Variants in DOCK2 observed in about 807,000 individuals in gnomAD.
DOCK2 encodes dedicator of cytokinesis 2, also known as dedicator of cytokinesis protein 2.
DOCK2 carries 87 observed loss-of-function variants against 248.9 expected under a neutral mutation model. The observed-to-expected ratio is 0.35, with a 90% CI of 0.29 to 0.42. DOCK2 has a LOEUF of 0.42. Among genes scored for constraint, DOCK2 ranks in the 10% least tolerant of loss-of-function variants. DOCK2 has a pLI of 1.00. For synonymous variants in DOCK2, 805 were observed against 821.6 expected (o/e 0.98, Z 0.35); for missense variants, 1,747 against 2,300.2 (o/e 0.76, Z 4.92).
At chr5:169,645,236 A>C (rs1757392110) in intron 1 of DOCK2, among the ~76,000 whole-genome samples, 1 of 152,332 alleles carries the variant, frequency 6.6e-6, no homozygotes, top group South Asian at 2.1e-4. Context: ...AGTTGAACTA[A>C]TTTACATTCC....
intron 9 of DOCK2, among the ~76,000 whole-genome samples, chr5:169,690,542 T>C (rs1760236604): frequency 6.6e-6 from 1 of 152,264 alleles, no homozygotes; most frequent in Admixed American, 6.5e-5. Context: ...GGATCATAGG[T>C]CCTAATTGCT....
rs141845747 is a variant in DOCK2 at position 169,878,979 on chromosome 5, T to G, written c.2799+38127T>G. 1.6e-3 allele frequency among the ~76,000 whole-genome samples: 245 copies of G among 152,214 alleles called. 1 individual carries two copies. Among genetic ancestry groups the G allele is most frequent in the African/African-American group, 5.6e-3 (234 of 41,534 alleles). The stretch of plus-strand genomic sequence containing the variant: ...GGTGAGATAGGATGTATCCAAGTGT[T>G]CAATGGTAAGAGGAGAGCCAAGGAG... On this transcript the variant is annotated intron_variant, in intron 27 of 51. Coordinates refer to ENST00000520908, the MANE Select transcript of DOCK2 (RefSeq NM_004946.3).
chr5:169,770,134 A>T (rs898158724), intron 25 of DOCK2, among the ~76,000 whole-genome samples: 1 of 152,186 alleles, frequency 6.6e-6, no homozygotes, highest in Non-Finnish European at 1.5e-5. Context: ...CACACAAGAC[A>T]TGCTTTTATT....
At chr5:169,767,506 A>G (rs986661357) in intron 25 of DOCK2, among the ~76,000 whole-genome samples, 7 of 152,222 alleles carry the variant, frequency 4.6e-5, no homozygotes, top group Admixed American at 4.6e-4. Flanking sequence ...GGAGTGTCAT[A>G]GAATAAGAGA....
intron 50 of DOCK2, chr5:170,080,891 C>T (rs1348448533): frequency 6.5e-6 from 1 of 153,460 alleles, no homozygotes; most frequent in East Asian, 1.9e-4. Flanking sequence ...TGCTATGTGC[C>T]TGGCTCTGTG....
intron 27 of DOCK2, among the ~76,000 whole-genome samples, chr5:169,970,367 A>G (rs1248952095): frequency 6.6e-6 from 1 of 152,254 alleles, no homozygotes; most frequent in East Asian, 1.9e-4. Context: ...TATCAGCCTT[A>G]AGGTTCATTT....
At chr5:170,015,567 TTTTG>T (rs34726439) in intron 32 of DOCK2, among the ~76,000 whole-genome samples, 13 of 151,076 alleles carry the variant, frequency 8.6e-5, no homozygotes, top group East Asian at 2.0e-4. Flanking sequence ...TTTAGGTTTT[TTTTG>T]TTTGTTTGTT....
At chr5:169,874,760 G>A (rs1187146161) in intron 27 of DOCK2, among the ~76,000 whole-genome samples, 2 of 152,164 alleles carry the variant, frequency 1.3e-5, no homozygotes, top group Non-Finnish European at 2.9e-5. Flanking sequence ...TCTGATCTCA[G>A]ATGAGGCCTG....
At chr5:169,759,851 G>A in intron 24 of DOCK2, 76 bp downstream of exon 24, 1 of 1,547,906 alleles carries the variant, frequency 6.5e-7, no homozygotes, top group Non-Finnish European at 8.9e-7. Flanking sequence ...GCTCTTATGG[G>A]GAGCTCCAGA....
chr5:170,039,311 A>G (rs934796980), intron 36 of DOCK2, among the ~76,000 whole-genome samples: 1 of 152,142 alleles, frequency 6.6e-6, no homozygotes, highest in Non-Finnish European at 1.5e-5. Context: ...CACCTGGATA[A>G]AGCGTGCTCT....
chr5:170,027,626 C>G (rs1337216110), intron 33 of DOCK2, among the ~76,000 whole-genome samples: 2 of 152,216 alleles, frequency 1.3e-5, no homozygotes, highest in Non-Finnish European at 2.9e-5. Flanking sequence ...CTCGCGCTCT[C>G]TCGCACGTGC....
intron 1 of DOCK2, among the ~76,000 whole-genome samples, chr5:169,638,580 G>T (rs187663429): frequency 6.6e-6 from 1 of 152,170 alleles, no homozygotes; most frequent in Non-Finnish European, 1.5e-5. Context: ...GTTATGCATG[G>T]AAAGCATTTA....
intron 27 of DOCK2, among the ~76,000 whole-genome samples, chr5:169,871,740 T>C (rs1220802918): frequency 1.3e-5 from 2 of 152,158 alleles, no homozygotes; most frequent in African/African-American, 4.8e-5. Context: ...CTGGTGCTCC[T>C]GGATGACCTC....
At chr5:169,897,542 C>T (rs914719453) in intron 27 of DOCK2, among the ~76,000 whole-genome samples, 1 of 152,098 alleles carries the variant, frequency 6.6e-6, no homozygotes, top group African/African-American at 2.4e-5. Context: ...CATGATGGTC[C>T]CTTTAAAGAC....
intron 24 of DOCK2, among the ~76,000 whole-genome samples, chr5:169,760,170 T>G (rs536135293): frequency 6.6e-6 from 1 of 152,310 alleles, no homozygotes; most frequent in South Asian, 2.1e-4. Flanking sequence ...GACAGCTCCC[T>G]TTTGCCTTCT....
intron 26 of DOCK2, among the ~76,000 whole-genome samples, chr5:169,838,242 C>G (rs1309055097): frequency 6.6e-6 from 1 of 152,152 alleles, no homozygotes; most frequent in Admixed American, 6.5e-5. Context: ...GTGTTCCAGT[C>G]TGCATGGGTG....
At chr5:169,731,746 G>A (rs138320870) in intron 22 of DOCK2, among the ~76,000 whole-genome samples, 244 of 152,172 alleles carry the variant, frequency 1.6e-3, no homozygotes, top group Non-Finnish European at 2.1e-3. Context: ...TTTTTCCTGA[G>A]TTCCTATCAG....
intron 26 of DOCK2, among the ~76,000 whole-genome samples, chr5:169,805,142 G>A (rs1211942897): frequency 6.6e-6 from 1 of 150,524 alleles, no homozygotes; most frequent in Non-Finnish European, 1.5e-5. Flanking sequence ...ATTTTGGGTA[G>A]CCCAGGGAGG....
At chr5:169,654,590 C>A in intron 2 of DOCK2, 104 bp downstream of exon 2, 2 of 1,192,948 alleles carry the variant, frequency 1.7e-6, no homozygotes, top group South Asian at 1.4e-5. Context: ...ACTGTGTGGT[C>A]TATTTAAAAA....
Sources: gnomAD v4.1 joint callset for allele counts (sites outside exome capture counted in the v4.1 genomes callset) on GRCh38, gnomAD v4.1.1 for gene constraint, MANE v1.5 for transcripts, NCBI Gene and HGNC (gene_info 2026-07-23, HGNC 2026-07-21) for gene names.